The following NFIB variants were observed in gnomAD, a reference collection of about 807,000 sequenced individuals.
NFIB encodes the protein nuclear factor I B, also known as nuclear factor 1 B-type.
A neutral mutation model predicts 61.5 loss-of-function variants in NFIB; 11 were observed. That is an observed-to-expected ratio of 0.18 (90% CI 0.11 to 0.30). NFIB has a LOEUF of 0.30. Ranked by LOEUF, NFIB falls within the 10% of genes least tolerant of loss-of-function variation. NFIB has a pLI of 1.00. For synonymous variants in NFIB, 260 were observed against 216.5 expected (o/e 1.20, Z -1.76); for missense variants, 471 against 608.9 (o/e 0.77, Z 2.38).
chr9:14,461,182 C>G, the NFIB span, among the ~76,000 whole-genome samples: 1 of 151,966 alleles, frequency 6.6e-6, no homozygotes, highest in African/African-American at 2.4e-5. Context: ...TTTTTTTATC[C>G]CTCAGTAGAT....
rs571547019 is a variant in NFIB at position 14,313,007 on chromosome 9, C to A, written c.30+475G>T. On this transcript the variant is annotated intron_variant, in intron 1 of 10. Transcript: ENST00000380953. This position sits in a 1 kb window ranked among gnomAD's most constrained non-coding sequence, Gnocchi z 4.5. ...GCCCGCCCACCGCCTGCAGCGCAGT[C>A]CAGCGGCGCCCACACAGACTCGTGC... Among the ~76,000 whole-genome samples the A allele has an allele frequency of 5.9e-4, 90 of 152,376 alleles. No individual in the cohort carries two copies. The highest frequency in any genetic ancestry group is 1.1e-3 in the Non-Finnish European group (75 of 68,042).
At chr9:14,491,165 T>C in the NFIB span, among the ~76,000 whole-genome samples, 6 of 152,180 alleles carry the variant, frequency 3.9e-5, no homozygotes, top group East Asian at 1.9e-4. Context: ...TCCTCAACTA[T>C]AGTTTTTATC....
At chr9:14,139,051 AGT>A (rs1477127191) in intron 6 of NFIB, among the ~76,000 whole-genome samples, 5 of 152,150 alleles carry the variant, frequency 3.3e-5, no homozygotes, top group Non-Finnish European at 7.4e-5. Flanking sequence ...TTCCAAGAAA[AGT>A]GTCCCTCTGG....
the NFIB span, among the ~76,000 whole-genome samples, chr9:14,515,106 G>A: frequency 6.6e-6 from 1 of 152,034 alleles, no homozygotes; most frequent in African/African-American, 2.4e-5. Flanking sequence ...TTGGGGGCTG[G>A]GATGGCGGTT....
At chr9:14,248,627 C>T (rs973704820) in intron 2 of NFIB, among the ~76,000 whole-genome samples, 1 of 152,160 alleles carries the variant, frequency 6.6e-6, no homozygotes, top group African/African-American at 2.4e-5. Flanking sequence ...CACTCTTCCC[C>T]ACTTTCTGAG....
At chr9:14,260,454 C>A (rs2056640198) in intron 2 of NFIB, among the ~76,000 whole-genome samples, 1 of 152,180 alleles carries the variant, frequency 6.6e-6, no homozygotes, top group African/African-American at 2.4e-5. Flanking sequence ...TTATGTGAAA[C>A]TCGTTTGTCA....
chr9:14,092,681 G>C (rs2034121640), intron 10 of NFIB, among the ~76,000 whole-genome samples: 2 of 152,048 alleles, frequency 1.3e-5, no homozygotes, highest in Admixed American at 1.3e-4. Flanking sequence ...AAAGAGACTA[G>C]TGCACAGAAT....
chr9:14,204,273 G>T lies in NFIB; in HGVS notation c.563-24493C>A, dbSNP rs2049376854. The T allele has an allele frequency of 1.1e-5, 7 of 655,458 alleles. No homozygotes were observed. The South Asian group carries it at 1.2e-4, about 11-fold the overall frequency. 40.6% of individuals were successfully genotyped at this position (655,458 alleles called of 1,614,324 possible). On this transcript the variant is annotated intron_variant, in intron 2 of 10. Transcript: ENST00000380953. ...ATGTGGAAAGGAAAGAAGGCCAAGG[G>T]GAAGAAGGTGGCTCCGGCCCCTGCT...
At chr9:14,440,305 G>C in the NFIB span, among the ~76,000 whole-genome samples, 1 of 152,180 alleles carries the variant, frequency 6.6e-6, no homozygotes, top group African/African-American at 2.4e-5. Flanking sequence ...GAATTGGCCT[G>C]GGTGTGATCC....
In NFIB at chr9:14,197,248, C is replaced by T. The variant is rs75450308; in HGVS notation, c.563-17468G>A. Among the ~76,000 whole-genome samples the T allele has an allele frequency of 2.0e-4, 31 of 152,306 alleles. 1 individual carries two copies. In the East Asian group the frequency reaches 5.0e-3, roughly 25 times the overall value. On this transcript the variant is annotated intron_variant, in intron 2 of 10. Coordinates refer to ENST00000380953, the MANE Select transcript of NFIB (RefSeq NM_001190737.2). ...TTTCCCCTTCTGACTTTCTTAGGATCTGAGGGACGACCCTTAACCTTTCTC... is the reference window on the plus strand; with the variant it reads ...TTTCCCCTTCTGACTTTCTTAGGATTTGAGGGACGACCCTTAACCTTTCTC...
chr9:14,452,917 A>C, the NFIB span, among the ~76,000 whole-genome samples: 1,224 of 152,370 alleles, frequency 8.0e-3, 16 homozygotes, highest in Non-Finnish European at 9.0e-3. Flanking sequence ...GAACAATCAC[A>C]GCATTGGGTT....
chr9:14,492,809 T>G, the NFIB span, among the ~76,000 whole-genome samples: 1 of 152,040 alleles, frequency 6.6e-6, no homozygotes, highest in Non-Finnish European at 1.5e-5. Context: ...CTAGGTCCCT[T>G]TTATAGGTAA....
At chr9:14,164,738 A>G (rs759075086) in intron 3 of NFIB, among the ~76,000 whole-genome samples, 1 of 152,196 alleles carries the variant, frequency 6.6e-6, no homozygotes, top group Non-Finnish European at 1.5e-5. Flanking sequence ...ACCTGAGTGG[A>G]CCGATTATCC....
intron 2 of NFIB, among the ~76,000 whole-genome samples, chr9:14,245,982 A>G (rs2054879932): frequency 6.6e-6 from 1 of 151,762 alleles, no homozygotes; most frequent in African/African-American, 2.4e-5. Flanking sequence ...AATATCCATC[A>G]CTCTAGAGGA....
intron 2 of NFIB, among the ~76,000 whole-genome samples, chr9:14,251,952 G>T (rs57645250): frequency 0.11 from 17,349 of 152,152 alleles, 1,427 homozygotes; most frequent in East Asian, 0.24. Context: ...TTTAGTCACC[G>T]TTATCCACCT....
At chr9:14,342,293 G>C (rs1303535815) in intron 1 of NFIB, among the ~76,000 whole-genome samples, 1 of 152,160 alleles carries the variant, frequency 6.6e-6, no homozygotes, top group Admixed American at 6.5e-5. Flanking sequence ...CTACTATAGG[G>C]TCTGCAGTGT....
intron 2 of NFIB, among the ~76,000 whole-genome samples, chr9:14,280,416 C>A (rs1426115445): frequency 1.3e-5 from 2 of 152,160 alleles, no homozygotes; most frequent in African/African-American, 4.8e-5. Context: ...CAAGCCTTTA[C>A]TTAAATGTTG....
At chr9:14,434,332 A>G in the NFIB span, among the ~76,000 whole-genome samples, 1 of 152,222 alleles carries the variant, frequency 6.6e-6, no homozygotes, top group Non-Finnish European at 1.5e-5. Context: ...TTAATCAATA[A>G]TGGATATGGA....
At chr9:14,216,175 G>T (rs557919841) in intron 2 of NFIB, among the ~76,000 whole-genome samples, 1 of 152,270 alleles carries the variant, frequency 6.6e-6, no homozygotes, top group South Asian at 2.1e-4. Context: ...TAATTGCCTG[G>T]TCACAATTTT....
Sources: allele counts gnomAD v4.1 joint callset (sites outside exome capture counted in the v4.1 genomes callset), GRCh38; gene constraint gnomAD v4.1.1; non-coding constraint Gnocchi (gnomAD v3.1); transcripts MANE v1.5; gene names NCBI Gene and HGNC (gene_info 2026-07-23, HGNC 2026-07-21).